The following RBFOX1 variants were observed in gnomAD, a reference collection of about 807,000 sequenced individuals.
The protein encoded by RBFOX1 is RNA binding protein fox-1 homolog 1.
In RBFOX1, 8 loss-of-function variants were observed where a neutral mutation model predicts 57.7. The observed-to-expected ratio is 0.14, with a 90% CI of 0.08 to 0.25. RBFOX1 has a LOEUF of 0.25. Ranked by LOEUF, RBFOX1 falls within the 10% of genes least tolerant of loss-of-function variation. The pLI, the probability that RBFOX1 is intolerant of heterozygous loss-of-function variation, is 1.00. For missense variants in RBFOX1, 611 were observed against 548.5 expected (o/e 1.11, Z -1.14); for synonymous variants, 326 against 222.4 (o/e 1.47, Z -4.15).
intron 3 of RBFOX1, among the ~76,000 whole-genome samples, chr16:5,814,962 A>T (rs1366987424): frequency 6.6e-6 from 1 of 150,452 alleles, no homozygotes; most frequent in East Asian, 1.9e-4. Flanking sequence ...AAAAAAAAAA[A>T]TTTTATTCCT....
At chr16:6,790,052 G>T (rs1467998118) in intron 3 of RBFOX1, among the ~76,000 whole-genome samples, 1 of 149,386 alleles carries the variant, frequency 6.7e-6, no homozygotes, top group African/African-American at 2.4e-5. Context: ...AAATTTTTGA[G>T]ATGGAGATTT....
At chr16:6,211,397 T>G (rs1010077095) in intron 1 of RBFOX1, among the ~76,000 whole-genome samples, 14 of 151,934 alleles carry the variant, frequency 9.2e-5, no homozygotes, top group Admixed American at 2.6e-4. Flanking sequence ...CCCGGCTAAT[T>G]TTTTGTACAT....
At chr16:5,628,605 T>C (rs1036997031) in intron 3 of RBFOX1, among the ~76,000 whole-genome samples, 114 of 152,326 alleles carry the variant, frequency 7.5e-4, no homozygotes, top group African/African-American at 2.5e-3. Context: ...TCTGTCTTCA[T>C]CTGCAATAAG....
intron 4 of RBFOX1, among the ~76,000 whole-genome samples, chr16:7,191,205 G>T (rs2085296248): frequency 6.6e-6 from 1 of 152,046 alleles, no homozygotes; most frequent in Non-Finnish European, 1.5e-5. Flanking sequence ...TTTTTAATAT[G>T]GAACTTTGTC....
intron 3 of RBFOX1, among the ~76,000 whole-genome samples, chr16:7,028,792 C>G (rs1476490362): frequency 1.3e-5 from 2 of 151,006 alleles, no homozygotes; most frequent in East Asian, 2.0e-4. Context: ...CATGGAACAT[C>G]CAAACATTGG....
At chr16:5,309,343 G>A (rs1300462085) in intron 1 of RBFOX1, among the ~76,000 whole-genome samples, 1 of 152,088 alleles carries the variant, frequency 6.6e-6, no homozygotes, top group Non-Finnish European at 1.5e-5. Flanking sequence ...ATTGATAACA[G>A]TTCTCATAGA....
At chr16:7,278,305 A>C (rs1344466639) in intron 4 of RBFOX1, among the ~76,000 whole-genome samples, 1 of 152,206 alleles carries the variant, frequency 6.6e-6, no homozygotes, top group Non-Finnish European at 1.5e-5. Context: ...GTAATGCTTA[A>C]AGAGAGATCA....
chr16:7,375,910 C>T (rs1036237635), intron 4 of RBFOX1, among the ~76,000 whole-genome samples: 2 of 152,088 alleles, frequency 1.3e-5, no homozygotes. Context: ...ACCTTGTGCC[C>T]ACGTCCTGCC....
At chr16:6,261,816 T>G (rs1319438630) in intron 1 of RBFOX1, among the ~76,000 whole-genome samples, 1 of 151,690 alleles carries the variant, frequency 6.6e-6, no homozygotes, top group Non-Finnish European at 1.5e-5. Context: ...GCCAACATGA[T>G]GAAACCCCGT....
chr16:5,777,481 G>T (rs1261695783), intron 3 of RBFOX1, among the ~76,000 whole-genome samples: 1 of 152,204 alleles, frequency 6.6e-6, no homozygotes, highest in East Asian at 1.9e-4. Context: ...TCTTTGAGGG[G>T]TCGTTGTGAG....
intron 3 of RBFOX1, among the ~76,000 whole-genome samples, chr16:6,954,831 A>G (rs1346579487): frequency 6.6e-6 from 1 of 152,178 alleles, no homozygotes; most frequent in Non-Finnish European, 1.5e-5. Context: ...TCTGTGGATT[A>G]GCAACTTTAT....
intron 3 of RBFOX1, among the ~76,000 whole-genome samples, chr16:5,837,584 A>G (rs1018563817): frequency 1.3e-5 from 2 of 148,722 alleles, no homozygotes; most frequent in African/African-American, 4.9e-5. Context: ...CCTCACAGGG[A>G]AAGTCTTGAT....
upstream of RBFOX1, among the ~76,000 whole-genome samples, chr16:6,017,172 G>A (rs1056636893): frequency 6.6e-6 from 1 of 152,166 alleles, no homozygotes; most frequent in Non-Finnish European, 1.5e-5. Flanking sequence ...TGTAACAACA[G>A]CTGATGTTAC....
intron 2 of RBFOX1, among the ~76,000 whole-genome samples, chr16:6,498,118 G>C (rs1037350144): frequency 6.6e-6 from 1 of 151,892 alleles, no homozygotes; most frequent in Non-Finnish European, 1.5e-5. Context: ...CGGGCATGGT[G>C]GTACGTGCCT....
intron 3 of RBFOX1, among the ~76,000 whole-genome samples, chr16:7,014,109 G>A (rs1301787365): frequency 6.6e-6 from 1 of 152,172 alleles, no homozygotes; most frequent in Admixed American, 6.6e-5. Context: ...GATTTATTGG[G>A]ACAGGCAATT....
chr16:7,017,985 G>T (rs987692223), intron 3 of RBFOX1, among the ~76,000 whole-genome samples: 1 of 152,126 alleles, frequency 6.6e-6, no homozygotes, highest in East Asian at 1.9e-4. Flanking sequence ...GGCAGTTGTG[G>T]TCTTCAGGGA....
chr16:6,840,315 G>C (rs1016620372), intron 3 of RBFOX1, among the ~76,000 whole-genome samples: 3 of 152,166 alleles, frequency 2.0e-5, no homozygotes, highest in Admixed American at 6.5e-5. Context: ...GGTGTAAGGG[G>C]CTGCAGGGCC....
intron 3 of RBFOX1, among the ~76,000 whole-genome samples, chr16:5,614,294 CT>C (rs1241644547): frequency 6.6e-6 from 1 of 152,114 alleles, no homozygotes; most frequent in Non-Finnish European, 1.5e-5. Context: ...TCATTTCCCC[CT>C]AGGTCTCTCC....
intron 4 of RBFOX1, among the ~76,000 whole-genome samples, chr16:7,353,077 C>A (rs1409441735): frequency 6.6e-6 from 1 of 152,098 alleles, no homozygotes; most frequent in Non-Finnish European, 1.5e-5. Flanking sequence ...TAGTGGAACC[C>A]TAAAGCCATA....
Sources: allele counts gnomAD v4.1 joint callset (sites outside exome capture counted in the v4.1 genomes callset), GRCh38; gene constraint gnomAD v4.1.1; transcripts MANE v1.5; gene names NCBI Gene and HGNC (gene_info 2026-07-23, HGNC 2026-07-21).